The following PACSIN2 variants were observed in gnomAD, a reference collection of about 807,000 sequenced individuals.
PACSIN2 encodes the protein protein kinase C and casein kinase substrate in neurons 2, also known as protein kinase C and casein kinase substrate in neurons protein 2.
A neutral mutation model predicts 63.8 loss-of-function variants in PACSIN2; 25 were observed. That is an observed-to-expected ratio of 0.39 (90% CI 0.29 to 0.55). The LOEUF is 0.55. Ranked by LOEUF, PACSIN2 falls within the 20% of genes least tolerant of loss-of-function variation. The pLI is 0.62. For missense variants in PACSIN2, 518 were observed against 646.9 expected, an observed-to-expected ratio of 0.80 and a Z score of 2.16; for synonymous variants, 255 against 256.2, an observed-to-expected ratio of 1.00 and a Z score of 0.05.
At chr22:42,900,835 A>G (rs1427409487) in intron 2 of PACSIN2, among the ~76,000 whole-genome samples, 1 of 152,206 alleles carries the variant, frequency 6.6e-6, no homozygotes, top group Non-Finnish European at 1.5e-5. Flanking sequence ...ACTCATGGTC[A>G]TGCAACAGAA....
chr22:42,918,365 G>A (rs1931949441), intron 1 of PACSIN2, among the ~76,000 whole-genome samples: 2 of 152,166 alleles, frequency 1.3e-5, no homozygotes, highest in African/African-American at 4.8e-5. Context: ...CCACCTGGGA[G>A]CCCAAGCTAC....
At chr22:42,947,242 G>C (rs1310485621) in intron 1 of PACSIN2, among the ~76,000 whole-genome samples, 1 of 152,178 alleles carries the variant, frequency 6.6e-6, no homozygotes, top group Admixed American at 6.5e-5. Context: ...AGGAAGGAGG[G>C]AGAAGAGGAA....
chr22:42,907,101 C>T (rs1197323554), intron 2 of PACSIN2, among the ~76,000 whole-genome samples: 1 of 152,224 alleles, frequency 6.6e-6, no homozygotes, highest in Non-Finnish European at 1.5e-5. Flanking sequence ...CTCCAAGCCA[C>T]ACCAGGCAGG....
In PACSIN2 at chr22:42,987,449, A is replaced by AACACAC. The variant is rs745523623; in HGVS notation, c.-78+27566_-78+27571dup. 8.2e-3 allele frequency among the ~76,000 whole-genome samples: 711 copies of AACACAC among 87,068 alleles called. 11 individuals carry two copies. The highest frequency in any genetic ancestry group is 9.9e-3 in the South Asian group (23 of 2,330). 57.1% of individuals were successfully genotyped at this position (87,068 alleles called of 152,430 possible). A position where few individuals can be genotyped will look rare whatever the true frequency, so the allele number is the denominator to read the frequency against. ...GACACCCCACCCTGAGTCCAGGAGCAACACACACACACACACACACACACA... is the reference window on the plus strand; with the variant it reads ...GACACCCCACCCTGAGTCCAGGAGCAACACACACACACACACACACACACACACACA... On this transcript the variant is annotated intron_variant, in intron 1 of 10. Coordinates refer to ENST00000263246, the MANE Select transcript of PACSIN2 (RefSeq NM_001184970.3).
chr22:42,908,018 G>A (rs557195439), intron 2 of PACSIN2, among the ~76,000 whole-genome samples: 3 of 152,022 alleles, frequency 2.0e-5, no homozygotes, highest in South Asian at 4.1e-4. Flanking sequence ...TGAGAGTCAC[G>A]TGCCAACTCT....
At chr22:42,936,081 T>C (rs1206043112) in intron 1 of PACSIN2, among the ~76,000 whole-genome samples, 1 of 152,010 alleles carries the variant, frequency 6.6e-6, no homozygotes, top group East Asian at 1.9e-4. Flanking sequence ...CCGAACATGG[T>C]GGCGGGTGCC....
At chr22:42,900,393 A>G (rs1930598113) in intron 2 of PACSIN2, among the ~76,000 whole-genome samples, 1 of 152,230 alleles carries the variant, frequency 6.6e-6, no homozygotes, top group Non-Finnish European at 1.5e-5. Context: ...CAGGCAGGGT[A>G]CTGACAGTTT....
chr22:42,881,259 TAGCCCTGCGTGGACAAAGTCAC>T (rs1929051327), intron 7 of PACSIN2, among the ~76,000 whole-genome samples: 1 of 152,174 alleles, frequency 6.6e-6, no homozygotes. Context: ...CCTGGGTCAA[TAGCCCTGCGTGGACAAAGTCAC>T]CATGTTCCCT....
intron 1 of PACSIN2, among the ~76,000 whole-genome samples, chr22:42,986,846 C>A (rs778003087): frequency 2.0e-5 from 3 of 152,292 alleles, no homozygotes; most frequent in South Asian, 2.1e-4. Flanking sequence ...TCTAAAAAAA[C>A]CTTCCCGAAA....
chr22:42,893,715 G>C, intron 2 of PACSIN2, 102 bp from the exon 3 acceptor site: 1 of 1,197,124 alleles, frequency 8.4e-7, no homozygotes, highest in Non-Finnish European at 1.2e-6. Context: ...TGCGCCCCTG[G>C]GGTCATGTTT....
At chr22:43,012,538 T>C (rs1269569011) in intron 1 of PACSIN2, among the ~76,000 whole-genome samples, 1 of 152,126 alleles carries the variant, frequency 6.6e-6, no homozygotes, top group Non-Finnish European at 1.5e-5. Context: ...TAGAGTGCAG[T>C]GGTGTGATCT....
intron 2 of PACSIN2, among the ~76,000 whole-genome samples, chr22:42,894,652 T>C (rs965153458): frequency 6.6e-6 from 1 of 152,238 alleles, no homozygotes; most frequent in African/African-American, 2.4e-5. Flanking sequence ...AAAAACTAGT[T>C]CATCAAAGTT....
In PACSIN2 at chr22:42,886,079, G is replaced by A. The variant is rs115207174; in HGVS notation, c.610-1518C>T. Among the ~76,000 whole-genome samples, 744 of 152,214 alleles carry A rather than the reference G, an allele frequency of 4.9e-3. 8 individuals carry two copies. The highest frequency in any genetic ancestry group is 0.017 in the African/African-American group (724 of 41,522). ...AGCCTTCAAGACACAATAGCCTCCC[G>A]GGAGCTCTCAGGGTACTCAGTGGCA... On this transcript the variant is annotated intron_variant, in intron 5 of 10. Transcript: ENST00000263246.
intron 1 of PACSIN2, among the ~76,000 whole-genome samples, chr22:42,972,275 GA>G (rs1364299259): frequency 6.6e-6 from 1 of 152,166 alleles, no homozygotes; most frequent in East Asian, 1.9e-4. Context: ...GGCGGTGCAC[GA>G]TGTGCTTTGT....
chr22:43,013,201 AGTT>A (rs1924619290), intron 1 of PACSIN2, among the ~76,000 whole-genome samples: 1 of 152,254 alleles, frequency 6.6e-6, no homozygotes, highest in African/African-American at 2.4e-5. Context: ...CATTCAAATG[AGTT>A]GTTATTCTTC....
chr22:43,000,378 G>A (rs999642488), intron 1 of PACSIN2, among the ~76,000 whole-genome samples: 13 of 152,172 alleles, frequency 8.5e-5, no homozygotes, highest in African/African-American at 2.2e-4. Context: ...GTAACCCCAC[G>A]AGTTCCCAAT....
At chr22:42,989,070 G>C (rs1346829956) in intron 1 of PACSIN2, among the ~76,000 whole-genome samples, 3 of 152,044 alleles carry the variant, frequency 2.0e-5, no homozygotes, top group African/African-American at 7.2e-5. Flanking sequence ...GTAGACACAG[G>C]GTCTCACTAT....
At chr22:42,876,114 G>A in intron 10 of PACSIN2, 23 bp downstream of exon 10, 1 of 1,595,854 alleles carries the variant, frequency 6.3e-7, no homozygotes, top group Non-Finnish European at 8.6e-7. Context: ...CTCCTCCCCT[G>A]GATGCTGGGG....
intron 1 of PACSIN2, among the ~76,000 whole-genome samples, chr22:43,008,993 T>C (rs1245999178): frequency 7.8e-6 from 1 of 128,188 alleles, no homozygotes; most frequent in African/African-American, 3.1e-5. Context: ...AACAAATAAG[T>C]AGCCTTTTCA....
Sources: gnomAD v4.1 joint callset for allele counts (sites outside exome capture counted in the v4.1 genomes callset) on GRCh38, gnomAD v4.1.1 for gene constraint, MANE v1.5 for transcripts, NCBI Gene and HGNC (gene_info 2026-07-23, HGNC 2026-07-21) for gene names.